Variants in FBXL17 observed in about 807,000 individuals in gnomAD.
FBXL17 encodes F-box and leucine rich repeat protein 17.
A neutral mutation model predicts 66.2 loss-of-function variants in FBXL17; 22 were observed. The ratio of observed to expected loss-of-function variants is 0.33; its 90% CI spans 0.24 to 0.47. The LOEUF is 0.47. FBXL17 is among the 20% of genes least tolerant of loss of function. The pLI is 1.00. For synonymous variants in FBXL17, 474 were observed against 400.5 expected (o/e 1.18, Z -2.19); for missense variants, 878 against 948.2 (o/e 0.93, Z 0.97).
intron 7 of FBXL17, among the ~76,000 whole-genome samples, chr5:107,883,791 G>A (rs1451985390): frequency 1.3e-5 from 2 of 152,126 alleles, no homozygotes; most frequent in Admixed American, 1.3e-4. Flanking sequence ...ACAGAGGCAC[G>A]CTAAGGGGGT....
chr5:107,900,036 T>G (rs977345644), intron 7 of FBXL17, among the ~76,000 whole-genome samples: 1 of 152,216 alleles, frequency 6.6e-6, no homozygotes, highest in African/African-American at 2.4e-5. Flanking sequence ...TATAACATAT[T>G]TGAAACATTT....
intron 4 of FBXL17, among the ~76,000 whole-genome samples, chr5:108,315,459 A>C (rs532631735): frequency 6.6e-6 from 1 of 151,504 alleles, no homozygotes; most frequent in Non-Finnish European, 1.5e-5. Context: ...AAATAATTAC[A>C]TTATATTTCA....
At chr5:108,214,944 T>A (rs970722463) in intron 5 of FBXL17, among the ~76,000 whole-genome samples, 6 of 152,218 alleles carry the variant, frequency 3.9e-5, no homozygotes, top group African/African-American at 1.2e-4. Flanking sequence ...ACATTTCATA[T>A]AAACAAATCA....
chr5:107,965,943 G>T (rs898804799), intron 7 of FBXL17, among the ~76,000 whole-genome samples: 6 of 152,034 alleles, frequency 3.9e-5, no homozygotes, highest in African/African-American at 1.5e-4. Flanking sequence ...CAAGAGTCTA[G>T]TGACAGTTTT....
intron 6 of FBXL17, among the ~76,000 whole-genome samples, chr5:108,074,928 A>C (rs553927741): frequency 2.3e-4 from 35 of 152,352 alleles, no homozygotes; most frequent in African/African-American, 7.7e-4. Context: ...CATTTGGATA[A>C]GAAAGGCATG....
chr5:108,145,826 A>ATAATAG (rs1465740971), intron 6 of FBXL17, among the ~76,000 whole-genome samples: 2 of 149,518 alleles, frequency 1.3e-5, no homozygotes, highest in African/African-American at 4.9e-5. Context: ...CTAAACAATA[A>ATAATAG]TAATAATAAT....
intron 6 of FBXL17, among the ~76,000 whole-genome samples, chr5:108,104,954 G>A (rs1056186856): frequency 6.6e-6 from 1 of 152,090 alleles, no homozygotes; most frequent in Non-Finnish European, 1.5e-5. Flanking sequence ...CCATTCTCCT[G>A]CCTCAGCCTC....
chr5:108,098,402 C>T (rs1749466925), intron 6 of FBXL17, among the ~76,000 whole-genome samples: 2 of 152,154 alleles, frequency 1.3e-5, no homozygotes, highest in South Asian at 4.1e-4. Context: ...TTTGATTTCA[C>T]CTCCTTTCAA....
At chr5:108,283,444 C>G (rs1331550101) in intron 4 of FBXL17, among the ~76,000 whole-genome samples, 2 of 151,056 alleles carry the variant, frequency 1.3e-5, no homozygotes, top group Non-Finnish European at 3.0e-5. Context: ...CAAACACTGG[C>G]AAAAAGACAA....
chr5:107,970,867 G>A (rs935119604), intron 7 of FBXL17, among the ~76,000 whole-genome samples: 4 of 152,168 alleles, frequency 2.6e-5, no homozygotes, highest in African/African-American at 9.7e-5. Flanking sequence ...GAAAAGCCCA[G>A]AGAAAAATGT....
intron 6 of FBXL17, among the ~76,000 whole-genome samples, chr5:108,083,711 T>G (rs1219503354): frequency 6.6e-6 from 1 of 152,006 alleles, no homozygotes; most frequent in Non-Finnish European, 1.5e-5. Flanking sequence ...CCTGGCAGTC[T>G]CAGAGTTTAT....
chr5:108,075,140 C>T (rs1272405288), intron 6 of FBXL17, among the ~76,000 whole-genome samples: 6 of 152,154 alleles, frequency 3.9e-5, no homozygotes, highest in Non-Finnish European at 7.4e-5. Flanking sequence ...CTAAAAACTG[C>T]AAATACTTTG....
chr5:107,964,443 A>C (rs931754237), intron 7 of FBXL17, among the ~76,000 whole-genome samples: 2 of 152,162 alleles, frequency 1.3e-5, no homozygotes, highest in African/African-American at 4.8e-5. Flanking sequence ...CAGAATGAAG[A>C]GTAATAAAAT....
At chr5:108,072,235 T>G (rs1006419894) in intron 6 of FBXL17, among the ~76,000 whole-genome samples, 1 of 152,122 alleles carries the variant, frequency 6.6e-6, no homozygotes, top group Admixed American at 6.5e-5. Context: ...AGCTAAAGTT[T>G]TAGATAGTTC....
intron 7 of FBXL17, among the ~76,000 whole-genome samples, chr5:107,950,527 A>G (rs1163166875): frequency 6.6e-6 from 1 of 152,174 alleles, no homozygotes; most frequent in Non-Finnish European, 1.5e-5. Context: ...GTAATGGCAA[A>G]AAGCAGAACG....
At chr5:107,903,890 T>C (rs1370406872) in intron 7 of FBXL17, among the ~76,000 whole-genome samples, 4 of 152,172 alleles carry the variant, frequency 2.6e-5, no homozygotes, top group African/African-American at 9.7e-5. Flanking sequence ...AAGTGCTTTT[T>C]TCTTGAGGCC....
chr5:108,378,822 A>G (rs1327807808), intron 1 of FBXL17, among the ~76,000 whole-genome samples: 2 of 152,224 alleles, frequency 1.3e-5, no homozygotes, highest in East Asian at 3.8e-4. Context: ...AAGATTACGA[A>G]TCCAGAGTCG....
chr5:108,381,903 C>T lies in FBXL17; in HGVS notation c.-212G>A, dbSNP rs920105004. The T allele has an allele frequency of 3.9e-6, 5 of 1,268,778 alleles. No individual in the cohort carries two copies. In the African/African-American group the frequency reaches 6.2e-5, roughly 16 times the overall value. The allele number at this position is 1,268,778 out of a possible 1,614,324, so 78.6% of individuals were successfully genotyped here. On this transcript the variant is annotated 5_prime_UTR_variant, in exon 1 of 9. Transcript: ENST00000542267. ...TGCCCGACGGGGGCTACATGCTTTG[C>T]CCAGGGAAGCCGGGAGAACGATGGG... is the stretch of plus-strand genomic sequence containing the variant.
At chr5:107,955,135 A>T (rs1435690890) in intron 7 of FBXL17, among the ~76,000 whole-genome samples, 1 of 152,100 alleles carries the variant, frequency 6.6e-6, no homozygotes, top group African/African-American at 2.4e-5. Flanking sequence ...AAAGGATGAC[A>T]TCTTTTATTT....
Sources: gnomAD v4.1 joint callset for allele counts (sites outside exome capture counted in the v4.1 genomes callset) on GRCh38, gnomAD v4.1.1 for gene constraint, MANE v1.5 for transcripts, NCBI Gene and HGNC (gene_info 2026-07-23, HGNC 2026-07-21) for gene names.